EPB41L4B: variants seen among roughly 807,000 people sequenced by gnomAD.
The protein encoded by EPB41L4B is band 4.1-like protein 4B.
EPB41L4B carries 30 observed loss-of-function variants against 112.5 expected under a neutral mutation model. The observed-to-expected ratio is 0.27, with a 90% CI of 0.20 to 0.36. The LOEUF (loss-of-function observed/expected upper bound fraction) is 0.36. EPB41L4B is among the 10% of genes least tolerant of loss of function. The pLI, the probability that EPB41L4B is intolerant of heterozygous loss-of-function variation, is 1.00. For synonymous variants in EPB41L4B, 408 were observed against 439.7 expected (o/e 0.93, Z 0.90); for missense variants, 1,024 against 1,133.3 (o/e 0.90, Z 1.38).
intron 15 of EPB41L4B, among the ~76,000 whole-genome samples, chr9:109,221,471 C>T (rs1187181668): frequency 1.3e-5 from 2 of 152,132 alleles, no homozygotes; most frequent in Non-Finnish European, 2.9e-5. Context: ...TCGTCTTCCA[C>T]CCTGCCCTTC....
Position 109,241,858 on chromosome 9 carries a change from C to T in EPB41L4B, c.1409+1760G>A, listed in dbSNP as rs1834363832. 7 of 1,595,642 alleles carry T rather than the reference C, an allele frequency of 4.4e-6. No individual in the cohort carries two copies. The African/African-American group carries it at 5.4e-5, about 12-fold the overall frequency. On this transcript the variant is annotated intron_variant, in intron 15 of 25. Transcript: ENST00000374566. Reference sequence around the variant, plus strand: ...GTTAGTGGGAGAATGGAAGAAAATGCAGAAATGTAAGTGAAACAACACAAG... The same window carrying T: ...GTTAGTGGGAGAATGGAAGAAAATGTAGAAATGTAAGTGAAACAACACAAG...
intron 16 of EPB41L4B, among the ~76,000 whole-genome samples, chr9:109,214,988 G>T (rs2118825518): frequency 6.6e-6 from 1 of 152,270 alleles, no homozygotes; most frequent in South Asian, 2.1e-4. Context: ...TGGGCAGTGT[G>T]GATAGTGATG....
chr9:109,241,196 C>A (rs1267296761), intron 15 of EPB41L4B: 82 of 986,088 alleles, frequency 8.3e-5, no homozygotes, highest in Non-Finnish European at 9.5e-5. Flanking sequence ...CTTAGTCCAA[C>A]CCTCTCTTTT....
At chr9:109,293,698 TAA>T (rs58106653) in intron 1 of EPB41L4B, among the ~76,000 whole-genome samples, 3,723 of 131,612 alleles carry the variant, frequency 0.028, 128 homozygotes, top group African/African-American at 0.086. Flanking sequence ...TACACATTCT[TAA>T]AAAAAAAAAA....
intron 20 of EPB41L4B, among the ~76,000 whole-genome samples, chr9:109,196,999 G>A (rs1832664949): frequency 6.6e-6 from 1 of 152,142 alleles, no homozygotes; most frequent in South Asian, 2.1e-4. Flanking sequence ...CCAAAAGGGC[G>A]ATGTGTGCAC....
chr9:109,284,090 A>G (rs1564319058), intron 1 of EPB41L4B, among the ~76,000 whole-genome samples: 1 of 152,172 alleles, frequency 6.6e-6, no homozygotes, highest in East Asian at 1.9e-4. Flanking sequence ...CTTAAAAAAA[A>G]AGAAAAGAAA....
chr9:109,181,330 C>T (rs1008737117), intron 24 of EPB41L4B, among the ~76,000 whole-genome samples: 3 of 152,136 alleles, frequency 2.0e-5, no homozygotes, highest in African/African-American at 4.8e-5. Flanking sequence ...TGCCCAGTGA[C>T]ACCCAGAGAG....
At chr9:109,300,188 G>A (rs996774709) in intron 1 of EPB41L4B, 12 of 152,274 alleles carry the variant, frequency 7.9e-5, no homozygotes, top group African/African-American at 2.7e-4. Context: ...ACAGGGCAGA[G>A]AATACCCAAG....
At chr9:109,245,591 G>A (rs1482427178) in intron 14 of EPB41L4B, among the ~76,000 whole-genome samples, 1 of 152,144 alleles carries the variant, frequency 6.6e-6, no homozygotes, top group Non-Finnish European at 1.5e-5. Flanking sequence ...AAACAATGAA[G>A]AACTCTCCCT....
intron 18 of EPB41L4B, among the ~76,000 whole-genome samples, chr9:109,204,095 G>A (rs1363137173): frequency 6.6e-6 from 1 of 152,192 alleles, no homozygotes; most frequent in Non-Finnish European, 1.5e-5. Flanking sequence ...TCAGCTCTAT[G>A]TTCACATAGC....
At chr9:109,203,594 C>A in intron 19 of EPB41L4B, 69 bp downstream of exon 19, 1 of 1,261,232 alleles carries the variant, frequency 7.9e-7, no homozygotes. Context: ...CCCTCGTGAG[C>A]AATGTTTCAA....
At chr9:109,223,252 T>C (rs1399230551) in intron 15 of EPB41L4B, among the ~76,000 whole-genome samples, 1 of 151,842 alleles carries the variant, frequency 6.6e-6, no homozygotes, top group Admixed American at 6.6e-5. Context: ...CCGGGCAACA[T>C]GGGGTGATCC....
intron 22 of EPB41L4B, among the ~76,000 whole-genome samples, chr9:109,187,282 C>T (rs945789709): frequency 1.3e-5 from 2 of 152,114 alleles, no homozygotes; most frequent in Admixed American, 6.6e-5. Flanking sequence ...CCAAAGTGAT[C>T]TATCTCTGTC....
intron 1 of EPB41L4B, among the ~76,000 whole-genome samples, chr9:109,315,908 AT>A (rs1279629732): frequency 6.6e-6 from 1 of 152,162 alleles, no homozygotes; most frequent in East Asian, 1.9e-4. Flanking sequence ...GAGCCAAGCA[AT>A]GGTTAGCCTG....
At chr9:109,304,572 A>G (rs1837095620) in intron 1 of EPB41L4B, among the ~76,000 whole-genome samples, 1 of 152,204 alleles carries the variant, frequency 6.6e-6, no homozygotes, top group Non-Finnish European at 1.5e-5. Context: ...CCAGCAGGAC[A>G]GTGCAGGGGC....
At chr9:109,223,788 G>C (rs1036997463) in intron 15 of EPB41L4B, among the ~76,000 whole-genome samples, 16 of 152,318 alleles carry the variant, frequency 1.1e-4, no homozygotes, top group African/African-American at 3.8e-4. Context: ...GGAGGCCGAG[G>C]CAGGTGGATC....
At chr9:109,204,843 G>T (rs539233502) in intron 18 of EPB41L4B, among the ~76,000 whole-genome samples, 1 of 152,234 alleles carries the variant, frequency 6.6e-6, no homozygotes, top group Non-Finnish European at 1.5e-5. Flanking sequence ...TGGTCTGTTT[G>T]ACTTCTGCTT....
chr9:109,230,728 G>A (rs1358286879), intron 15 of EPB41L4B, among the ~76,000 whole-genome samples: 2 of 152,108 alleles, frequency 1.3e-5, no homozygotes, highest in Non-Finnish European at 2.9e-5. Context: ...AAATTGTATC[G>A]ACATCTTAGA....
intron 15 of EPB41L4B, among the ~76,000 whole-genome samples, chr9:109,231,980 A>G (rs926110008): frequency 2.0e-5 from 3 of 151,690 alleles, no homozygotes; most frequent in Non-Finnish European, 2.9e-5. Context: ...CTAATAAGCT[A>G]GACTTTCCAT....
Sources: gnomAD v4.1 joint callset for allele counts (sites outside exome capture counted in the v4.1 genomes callset) on GRCh38, gnomAD v4.1.1 for gene constraint, MANE v1.5 for transcripts, NCBI Gene and HGNC (gene_info 2026-07-23, HGNC 2026-07-21) for gene names.